ADGRL2: variants seen among roughly 807,000 people sequenced by gnomAD.
The protein encoded by ADGRL2 is adhesion G protein-coupled receptor L2, also known as calcium-independent alpha-latrotoxin receptor 2.
In ADGRL2, 44 loss-of-function variants were observed where a neutral mutation model predicts 157.4. That is an observed-to-expected ratio of 0.28 (90% CI 0.22 to 0.36). The LOEUF is 0.36. ADGRL2 is among the 10% of genes least tolerant of loss of function. The pLI, the probability that ADGRL2 is intolerant of heterozygous loss-of-function variation, is 1.00. For synonymous variants in ADGRL2, 585 were observed against 624.7 expected, an observed-to-expected ratio of 0.94 and a Z score of 0.95; for missense variants, 1,510 against 1,768.9, an observed-to-expected ratio of 0.85 and a Z score of 2.63.
intron 1 of ADGRL2, among the ~76,000 whole-genome samples, chr1:81,433,954 T>C (rs2077366310): frequency 6.6e-6 from 1 of 152,222 alleles, no homozygotes; most frequent in Non-Finnish European, 1.5e-5. Context: ...GGCCTCTCCA[T>C]GTTGCCTGAG....
intron 3 of ADGRL2, among the ~76,000 whole-genome samples, chr1:81,651,515 T>A (rs57350381): frequency 0.08 from 12,205 of 152,192 alleles, 492 homozygotes; most frequent in Middle Eastern, 0.095. Context: ...CAAATTAAAA[T>A]GTTATTCTTG....
intron 1 of ADGRL2, among the ~76,000 whole-genome samples, chr1:81,752,240 C>A (rs1411111188): frequency 1.3e-5 from 2 of 152,132 alleles, no homozygotes; most frequent in African/African-American, 4.8e-5. Context: ...AGGGCCCTTG[C>A]CAGACATTGA....
At chr1:81,931,604 A>G (rs2095231535) in intron 3 of ADGRL2, among the ~76,000 whole-genome samples, 1 of 152,164 alleles carries the variant, frequency 6.6e-6, no homozygotes, top group South Asian at 2.1e-4. Context: ...CTGAGTGCTT[A>G]TGTAGTTTTA....
chr1:81,980,496 CTGT>C (rs1183039085), intron 18 of ADGRL2, among the ~76,000 whole-genome samples: 2 of 151,794 alleles, frequency 1.3e-5, no homozygotes, highest in East Asian at 1.9e-4. Context: ...CAAATGATAG[CTGT>C]TGTTCATTAA....
intron 1 of ADGRL2, among the ~76,000 whole-genome samples, chr1:81,416,305 C>A (rs66773067): frequency 0.2 from 28,556 of 140,136 alleles, 2,852 homozygotes; most frequent in African/African-American, 0.25. Context: ...ATACCCTGAA[C>A]AACCTTCTTG....
chr1:81,678,396 A>T (rs1209419152), intron 3 of ADGRL2, among the ~76,000 whole-genome samples: 1 of 152,230 alleles, frequency 6.6e-6, no homozygotes, highest in African/African-American at 2.4e-5. Flanking sequence ...CAAGCAAAAG[A>T]AACAGAATTT....
intron 1 of ADGRL2, among the ~76,000 whole-genome samples, chr1:81,753,322 A>G (rs1270979259): frequency 1.3e-5 from 2 of 152,196 alleles, no homozygotes; most frequent in Non-Finnish European, 2.9e-5. Flanking sequence ...TCCCGTTTTT[A>G]AAACCAACAG....
chr1:81,720,179 C>CTTTT (rs370916970), intron 1 of ADGRL2, among the ~76,000 whole-genome samples: 9 of 138,894 alleles, frequency 6.5e-5, no homozygotes, highest in African/African-American at 1.1e-4. Context: ...TCCTTTTTTT[C>CTTTT]TTTTCTTTTT....
At chr1:81,411,016 G>A (rs1385974534) in intron 1 of ADGRL2, among the ~76,000 whole-genome samples, 2 of 152,228 alleles carry the variant, frequency 1.3e-5, no homozygotes, top group East Asian at 1.9e-4. Flanking sequence ...AGATTGTATC[G>A]GAAAATGTCT....
At chr1:81,844,071 A>G (rs2092698072) in intron 2 of ADGRL2, among the ~76,000 whole-genome samples, 2 of 152,136 alleles carry the variant, frequency 1.3e-5, no homozygotes, top group Non-Finnish European at 2.9e-5. Context: ...ATTTCGGTAA[A>G]CCTCCATTTT....
At chr1:81,668,917 G>T (rs921236646) in intron 3 of ADGRL2, among the ~76,000 whole-genome samples, 2 of 151,984 alleles carry the variant, frequency 1.3e-5, no homozygotes, top group African/African-American at 4.8e-5. Flanking sequence ...ACTAACTGTA[G>T]GATTCCCAAG....
intron 1 of ADGRL2, among the ~76,000 whole-genome samples, chr1:81,824,247 A>T (rs569403347): frequency 2.0e-5 from 3 of 152,338 alleles, no homozygotes; most frequent in Admixed American, 6.5e-5. Flanking sequence ...AAAGATAAAC[A>T]TAGAAAATTT....
At chr1:81,505,275 G>A (rs1286575457) in intron 2 of ADGRL2, 3 of 534,300 alleles carry the variant, frequency 5.6e-6, no homozygotes, top group South Asian at 3.1e-5. Flanking sequence ...TGCAGGGTGT[G>A]GGCAGAGAAG....
intron 3 of ADGRL2, among the ~76,000 whole-genome samples, chr1:81,613,104 C>T (rs1354624980): frequency 6.6e-6 from 1 of 152,116 alleles, no homozygotes; most frequent in Non-Finnish European, 1.5e-5. Flanking sequence ...GTTTGAATCC[C>T]GGTTCTGCCT....
intron 1 of ADGRL2, among the ~76,000 whole-genome samples, chr1:81,342,774 A>G (rs1662167443): frequency 6.6e-6 from 1 of 150,392 alleles, no homozygotes; most frequent in African/African-American, 2.5e-5. Context: ...CTTATAGGTG[A>G]AAAAATCAAG....
chr1:81,393,431 C>T (rs910987006), intron 1 of ADGRL2, among the ~76,000 whole-genome samples: 3 of 151,836 alleles, frequency 2.0e-5, no homozygotes, highest in Non-Finnish European at 2.9e-5. Flanking sequence ...AAGTAAAACA[C>T]CAATTACTTC....
At chr1:81,887,409 CA>C (rs1282934002) in intron 2 of ADGRL2, among the ~76,000 whole-genome samples, 2 of 152,146 alleles carry the variant, frequency 1.3e-5, no homozygotes, top group Non-Finnish European at 2.9e-5. Context: ...AGTTTGTAAG[CA>C]CAGTATTTAG....
chr1:81,484,374 C>T (rs1331881680), intron 2 of ADGRL2, among the ~76,000 whole-genome samples: 1 of 152,110 alleles, frequency 6.6e-6, no homozygotes, highest in Non-Finnish European at 1.5e-5. Flanking sequence ...GAATGAACCT[C>T]AACACAGACC....
At chr1:81,623,096 A>G (rs1313993943) in intron 3 of ADGRL2, among the ~76,000 whole-genome samples, 3 of 152,166 alleles carry the variant, frequency 2.0e-5, no homozygotes, top group African/African-American at 7.2e-5. Flanking sequence ...TGGAGCAACA[A>G]TTCTTTATTG....
Sources: allele counts gnomAD v4.1 joint callset (sites outside exome capture counted in the v4.1 genomes callset), GRCh38; gene constraint gnomAD v4.1.1; transcripts MANE v1.5; gene names NCBI Gene and HGNC (gene_info 2026-07-23, HGNC 2026-07-21).